The following HCRTR2 variants were observed in gnomAD, a reference collection of about 807,000 sequenced individuals.
The protein encoded by HCRTR2 is hypocretin receptor 2, also known as orexin receptor type 2.
Under a neutral mutation model 49.0 loss-of-function variants are expected in HCRTR2, and 22 were observed. The ratio of observed to expected loss-of-function variants is 0.45; its 90% CI spans 0.32 to 0.64. The LOEUF is 0.64. Ranked by LOEUF, HCRTR2 falls within the 30% of genes least tolerant of loss-of-function variation. HCRTR2 has a pLI of 0.04. For synonymous variants in HCRTR2, 236 were observed against 205.3 expected (o/e 1.15, Z -1.28); for missense variants, 491 against 559.4 (o/e 0.88, Z 1.23).
At chr6:55,155,093 A>C (rs1292433816) in intron 1 of HCRTR2, among the ~76,000 whole-genome samples, 1 of 151,948 alleles carries the variant, frequency 6.6e-6, no homozygotes, top group African/African-American at 2.4e-5. Context: ...CAATAAATGG[A>C]AGATATTCCA....
chr6:55,208,476 A>G (rs1015111833), intron 1 of HCRTR2, among the ~76,000 whole-genome samples: 3 of 151,854 alleles, frequency 2.0e-5, no homozygotes, highest in Non-Finnish European at 2.9e-5. Flanking sequence ...TGGGTGACAG[A>G]GCGAGACTCC....
intron 1 of HCRTR2, among the ~76,000 whole-genome samples, chr6:55,148,568 G>T (rs1764624648): frequency 6.6e-6 from 1 of 152,124 alleles, no homozygotes; most frequent in Admixed American, 6.6e-5. Flanking sequence ...GAGTTGACTA[G>T]AGTAGCCTGC....
At chr6:55,119,875 G>T (rs181453518) in intron 1 of HCRTR2, among the ~76,000 whole-genome samples, 12 of 152,068 alleles carry the variant, frequency 7.9e-5, no homozygotes, top group African/African-American at 2.9e-4. Context: ...TATTGCCCAG[G>T]TTTTCTTCTA....
rs1766626265 is a variant in HCRTR2, at chr6:55,255,169, A to G, written c.436A>G (p.Ser146Gly). Residue 146 changes from serine (S) to glycine (G), a missense_variant, in exon 3 of 7, where the codon AGC becomes GGC. Ser to Gly is a moderately conservative substitution (Grantham distance 56, BLOSUM62 0). Transcript: ENST00000370862. ...GGTGTCTGTGTCTGTCCTCACACTG[A>G]GCTGTATCGCCTTGGATCGGTGGTA... ...VSVSVSVLTL[S>G]CIALDRWYAI... 2 of 1,613,808 alleles carry G rather than the reference A, an allele frequency of 1.2e-6. No individual in the cohort carries two copies. The highest frequency in any genetic ancestry group is 2.7e-5 in the African/African-American group (2 of 74,944).
intron 1 of HCRTR2, among the ~76,000 whole-genome samples, chr6:55,235,965 A>G (rs897229525): frequency 6.6e-6 from 1 of 152,024 alleles, no homozygotes; most frequent in Non-Finnish European, 1.5e-5. Flanking sequence ...GTTTTTCCAT[A>G]ATATAATACT....
intron 1 of HCRTR2, among the ~76,000 whole-genome samples, chr6:55,159,989 A>T (rs1338664339): frequency 1.3e-5 from 2 of 152,194 alleles, no homozygotes; most frequent in African/African-American, 4.8e-5. Flanking sequence ...TACAGAGTAC[A>T]TCACAAAGAT....
chr6:55,200,303 C>T (rs1765491211), intron 1 of HCRTR2, among the ~76,000 whole-genome samples: 1 of 148,036 alleles, frequency 6.8e-6, no homozygotes, highest in African/African-American at 2.5e-5. Context: ...CTTGCTCTGT[C>T]GCCTAGGCTG....
chr6:55,213,440 GA>G (rs1765730931), intron 1 of HCRTR2, among the ~76,000 whole-genome samples: 1 of 152,140 alleles, frequency 6.6e-6, no homozygotes, highest in Admixed American at 6.6e-5. Context: ...GCAAGATGGA[GA>G]TATAGAAATC....
chr6:55,142,363 AT>A (rs60317937), intron 1 of HCRTR2, among the ~76,000 whole-genome samples: 71,001 of 127,342 alleles, frequency 0.56, 18,888 homozygotes, highest in South Asian at 0.65. Context: ...CGCCCTGTTA[AT>A]TTTTTTTTTT....
intron 1 of HCRTR2, among the ~76,000 whole-genome samples, chr6:55,189,342 AGTT>A (rs1196801931): frequency 1.3e-5 from 2 of 152,236 alleles, no homozygotes; most frequent in Non-Finnish European, 2.9e-5. Flanking sequence ...TCTTCAGGGC[AGTT>A]GTTGTGAGAA....
At chr6:55,135,115 G>T (rs1291083873) in intron 1 of HCRTR2, among the ~76,000 whole-genome samples, 2 of 151,946 alleles carry the variant, frequency 1.3e-5, no homozygotes, top group Non-Finnish European at 2.9e-5. Context: ...TTAATGAAAT[G>T]GCAACAGAAA....
chr6:55,262,062 T>A (rs1446434079), intron 3 of HCRTR2, among the ~76,000 whole-genome samples: 1 of 151,634 alleles, frequency 6.6e-6, no homozygotes, highest in African/African-American at 2.4e-5. Context: ...CACTCATAAG[T>A]GGGAGGATGC....
At chr6:55,213,153 A>T (rs775103623) in intron 1 of HCRTR2, among the ~76,000 whole-genome samples, 4 of 152,170 alleles carry the variant, frequency 2.6e-5, no homozygotes, top group Non-Finnish European at 5.9e-5. Flanking sequence ...AGGAGCTAGT[A>T]CAGAAAGCAA....
At chr6:55,141,995 T>C (rs1764513636) in intron 1 of HCRTR2, among the ~76,000 whole-genome samples, 1 of 152,126 alleles carries the variant, frequency 6.6e-6, no homozygotes. Flanking sequence ...TTCCACATTA[T>C]AATCAAAGAA....
At chr6:55,250,524 C>G (rs933515880) in intron 2 of HCRTR2, among the ~76,000 whole-genome samples, 2 of 152,100 alleles carry the variant, frequency 1.3e-5, no homozygotes, top group African/African-American at 4.8e-5. Flanking sequence ...ATTTCATGTT[C>G]TCTCTGTGAA....
chr6:55,216,731 T>C (rs1404442622), intron 1 of HCRTR2, among the ~76,000 whole-genome samples: 2 of 152,224 alleles, frequency 1.3e-5, no homozygotes, highest in African/African-American at 2.4e-5. Context: ...TGCTCATTGG[T>C]GCCTGCAGCT....
chr6:55,245,852 A>G (rs546525604), intron 1 of HCRTR2, among the ~76,000 whole-genome samples: 28 of 151,954 alleles, frequency 1.8e-4, no homozygotes, highest in Non-Finnish European at 2.9e-4. Context: ...GTGTTTCTCC[A>G]AAAATATATG....
At chr6:55,222,698 G>T (rs1399117429) in intron 1 of HCRTR2, among the ~76,000 whole-genome samples, 5 of 152,080 alleles carry the variant, frequency 3.3e-5, no homozygotes, top group Admixed American at 2.6e-4. Context: ...GACAAATACT[G>T]CATGAATATA....
chr6:55,259,267 G>T (rs1480009220), intron 3 of HCRTR2, among the ~76,000 whole-genome samples: 2 of 151,620 alleles, frequency 1.3e-5, no homozygotes, highest in Admixed American at 1.3e-4. Context: ...AGTAATTATG[G>T]CATCTGGCCT....
Sources: gnomAD v4.1 joint callset for allele counts (sites outside exome capture counted in the v4.1 genomes callset) on GRCh38, gnomAD v4.1.1 for gene constraint, MANE v1.5 for transcripts, NCBI Gene and HGNC (gene_info 2026-07-23, HGNC 2026-07-21) for gene names.